LURAP1: variants seen among roughly 807,000 people sequenced by gnomAD.
The protein encoded by LURAP1 is leucine rich adaptor protein 1.
In LURAP1, 14 loss-of-function variants were observed where a neutral mutation model predicts 19.0. The observed-to-expected ratio is 0.74, with a 90% CI of 0.49 to 1.15. LURAP1 has a LOEUF of 1.15. Among genes scored for constraint, LURAP1 ranks in the 50% most tolerant of loss-of-function variants. LURAP1 has a pLI of 0.00. For missense variants in LURAP1, 273 were observed against 309.1 expected (o/e 0.88, Z 0.87); for synonymous variants, 129 against 131.8 (o/e 0.98, Z 0.14).
rs780532487 is a variant in LURAP1, at chr1:46,219,769, T to C, written c.269T>C (p.Val90Ala). ...LVTLNEGIEAVRWLLEERGTL... is the reference protein window; with the variant it reads ...LVTLNEGIEAARWLLEERGTL... Reference sequence around the variant, plus strand: ...ACCTTGAATGAGGGCATCGAGGCAGTGCGCTGGCTGTTGGAGGAGCGGGGG... The same window carrying C: ...ACCTTGAATGAGGGCATCGAGGCAGCGCGCTGGCTGTTGGAGGAGCGGGGG... Residue 90 changes from valine to alanine, a missense_variant, in exon 2 of 2, where the codon GTG becomes GCG. Val to Ala is a moderately conservative substitution (Grantham distance 64). Coordinates refer to ENST00000371980, the MANE Select transcript of LURAP1 (RefSeq NM_001013615.3). The C allele has an allele frequency of 2.5e-6, 4 of 1,613,854 alleles. No individual in the cohort carries two copies. Among genetic ancestry groups the C allele is most frequent in the Non-Finnish European group, 3.4e-6 (4 of 1,179,936 alleles).
At chr1:46,219,502 G>A (rs974773394) in intron 1 of LURAP1, among the ~76,000 whole-genome samples, 197 bp from the exon 2 acceptor site, 1 of 152,172 alleles carries the variant, frequency 6.6e-6, no homozygotes, top group African/African-American at 2.4e-5. Context: ...GCTCAAAGAA[G>A]ATATGTCTAA....
chr1:46,217,285 A>G (rs1006162846), intron 1 of LURAP1, among the ~76,000 whole-genome samples: 1 of 152,206 alleles, frequency 6.6e-6, no homozygotes, highest in Non-Finnish European at 1.5e-5. Flanking sequence ...CGTGTCATGC[A>G]TTCAAAAGCC....
At chr1:46,219,374 G>A (rs1446060367) in intron 1 of LURAP1, among the ~76,000 whole-genome samples, 1 of 151,962 alleles carries the variant, frequency 6.6e-6, no homozygotes, top group African/African-American at 2.4e-5. Flanking sequence ...AACATTTACT[G>A]AGACCTTCCT....
intron 1 of LURAP1, among the ~76,000 whole-genome samples, chr1:46,213,660 C>T (rs1453793868): frequency 6.6e-6 from 1 of 152,058 alleles, no homozygotes; most frequent in Non-Finnish European, 1.5e-5. Context: ...TTTGAGGCTA[C>T]AGTGAGCTAT....
chr1:46,203,646 C>T, intron 1 of LURAP1, 22 bp downstream of exon 1: 1 of 1,594,196 alleles, frequency 6.3e-7, no homozygotes, highest in Middle Eastern at 1.7e-4. Flanking sequence ...ATCCATGGGC[C>T]AAGGGGACGA....
At chr1:46,213,834 A>G (rs1658978222) in intron 1 of LURAP1, among the ~76,000 whole-genome samples, 1 of 152,094 alleles carries the variant, frequency 6.6e-6, no homozygotes, top group Admixed American at 6.6e-5. Flanking sequence ...AGAGTGGTAT[A>G]ATATGGGGAA....
intron 1 of LURAP1, among the ~76,000 whole-genome samples, chr1:46,212,576 C>A (rs537894051): frequency 3.6e-4 from 54 of 151,650 alleles, no homozygotes; most frequent in African/African-American, 1.2e-3. Context: ...CCACTGCACC[C>A]GGCCAAATTT....
intron 1 of LURAP1, among the ~76,000 whole-genome samples, chr1:46,214,547 C>T (rs181954601): frequency 8.4e-4 from 128 of 151,972 alleles, no homozygotes; most frequent in African/African-American, 2.8e-3. Flanking sequence ...CACATCATGG[C>T]GGGGAAAAGA....
At chr1:46,218,251 T>G (rs1426860045) in intron 1 of LURAP1, among the ~76,000 whole-genome samples, 1 of 152,208 alleles carries the variant, frequency 6.6e-6, no homozygotes, top group Non-Finnish European at 1.5e-5. Flanking sequence ...TAGCCAGGTG[T>G]GGTGCACGCC....
Sources: allele counts gnomAD v4.1 joint callset (sites outside exome capture counted in the v4.1 genomes callset), GRCh38; gene constraint gnomAD v4.1.1; transcripts MANE v1.5; gene names NCBI Gene and HGNC (gene_info 2026-07-23, HGNC 2026-07-21).